The following CHST8 variants were observed in gnomAD, a reference collection of about 807,000 sequenced individuals.
CHST8 encodes GALNAC-4-ST1.
Under a neutral mutation model 15.0 loss-of-function variants are expected in CHST8, and 10 were observed. The ratio of observed to expected loss-of-function variants is 0.67; its 90% CI spans 0.41 to 1.13. The LOEUF (loss-of-function observed/expected upper bound fraction) is 1.13, where lower values mean the gene tolerates loss of function less well. CHST8 is among the 50% of genes most tolerant of loss of function. CHST8 has a pLI of 0.00. For synonymous variants in CHST8, 259 were observed against 256.6 expected (o/e 1.01, Z -0.09); for missense variants, 634 against 608.2 (o/e 1.04, Z -0.45).
At chr19:33,757,483 A>G (rs867737207) in intron 3 of CHST8, among the ~76,000 whole-genome samples, 1 of 48,104 alleles carries the variant, frequency 2.1e-5, no homozygotes, top group Non-Finnish European at 4.3e-5. Context: ...AGAAAGAAAG[A>G]AAGAAAGAAA....
At chr19:33,723,259 C>T (rs1973835304) in intron 3 of CHST8, among the ~76,000 whole-genome samples, 2 of 152,178 alleles carry the variant, frequency 1.3e-5, no homozygotes, top group East Asian at 1.9e-4. Flanking sequence ...TGCATGACTG[C>T]GTATGTGCAG....
At chr19:33,707,185 T>C (rs994367032) in intron 3 of CHST8, among the ~76,000 whole-genome samples, 6 of 152,164 alleles carry the variant, frequency 3.9e-5, no homozygotes, top group African/African-American at 1.4e-4. Context: ...CCCCAGTAGC[T>C]GGGACCACAG....
At chr19:33,673,208 G>A (rs933884724) in intron 2 of CHST8, among the ~76,000 whole-genome samples, 9 of 152,312 alleles carry the variant, frequency 5.9e-5, no homozygotes, top group Non-Finnish European at 1.3e-4. Context: ...CCCAGATATC[G>A]ATCAGTGCCT....
intron 1 of CHST8, among the ~76,000 whole-genome samples, chr19:33,635,412 G>A (rs573778212): frequency 1.3e-5 from 2 of 152,260 alleles, no homozygotes; most frequent in East Asian, 3.9e-4. Context: ...GAGGGAGGCA[G>A]TTTCGTATAC....
intron 3 of CHST8, among the ~76,000 whole-genome samples, chr19:33,737,472 C>T (rs1974109374): frequency 1.3e-5 from 2 of 152,128 alleles, no homozygotes; most frequent in South Asian, 4.1e-4. Flanking sequence ...TTCACTGTGG[C>T]CATAATTAGA....
intron 1 of CHST8, among the ~76,000 whole-genome samples, chr19:33,630,792 C>T (rs1237262567): frequency 1.3e-5 from 2 of 152,240 alleles, no homozygotes; most frequent in Non-Finnish European, 1.5e-5. Flanking sequence ...GTGGGGCAGG[C>T]AGTCTGTCTA....
At position 33,625,087 on chromosome 19, in the gene CHST8, T is replaced by C. The variant is rs746370079; in HGVS notation, c.-164+2791T>C. Among the ~76,000 whole-genome samples the C allele has an allele frequency of 6.6e-4, 98 of 149,078 alleles. 1 individual carries two copies. Among genetic ancestry groups the C allele is most frequent in the Non-Finnish European group, 9.5e-4 (64 of 67,682 alleles). ...CAGGATTATGGCAGCTTTCTTTCTT[T>C]CTTTTTTTTTTTTTTGAGATAAAGT... On this transcript the variant is annotated intron_variant, in intron 1 of 4. Coordinates refer to ENST00000650847, the MANE Select transcript of CHST8 (RefSeq NM_001127895.2).
At chr19:33,708,844 A>G (rs974994250) in intron 3 of CHST8, among the ~76,000 whole-genome samples, 1 of 152,226 alleles carries the variant, frequency 6.6e-6, no homozygotes, top group Non-Finnish European at 1.5e-5. Context: ...ACAATATTGA[A>G]TCTTACAATC....
chr19:33,763,726 T>C (rs1037271782), intron 3 of CHST8, among the ~76,000 whole-genome samples: 2 of 152,210 alleles, frequency 1.3e-5, no homozygotes, highest in African/African-American at 4.8e-5. Flanking sequence ...TGTTGAAACT[T>C]CAGTTTTGCA....
chr19:33,750,286 C>T (rs1974388438), intron 3 of CHST8, among the ~76,000 whole-genome samples: 1 of 152,164 alleles, frequency 6.6e-6, no homozygotes, highest in South Asian at 2.1e-4. Flanking sequence ...TTCAACTGCT[C>T]CAGCCTCTCC....
At chr19:33,750,040 G>A (rs1011996970) in intron 3 of CHST8, among the ~76,000 whole-genome samples, 6 of 152,204 alleles carry the variant, frequency 3.9e-5, no homozygotes, top group Admixed American at 1.3e-4. Flanking sequence ...CTGGGAGACC[G>A]AAACGCCCTG....
In CHST8 at chr19:33,772,518, A is replaced by C. The variant is rs1439603739; in HGVS notation, c.730A>C (p.Ile244Leu). ...KRLDTFDRQG[I>L]LHRLSTYTKM... ...CCTGGACACCTTCGACCGCCAGGGT[A>C]TCTTGCACCGTCTCAGCACCTACAC... The change falls in exon 5 of 5, where the codon ATC becomes CTC. Residue 244 changes from isoleucine (I) to leucine (L), a missense_variant. Coordinates refer to ENST00000650847, the MANE Select transcript of CHST8 (RefSeq NM_001127895.2). 18 of 1,613,848 alleles carry C rather than the reference A, an allele frequency of 1.1e-5. No individual in the cohort carries two copies. In the East Asian group the frequency reaches 4.0e-4, roughly 36 times the overall value.
intron 3 of CHST8, among the ~76,000 whole-genome samples, chr19:33,757,575 A>G (rs1352915014): frequency 1.4e-5 from 2 of 145,054 alleles, no homozygotes; most frequent in African/African-American, 2.6e-5. Flanking sequence ...AAAGAAAGAA[A>G]GAAAGAAAGA....
intron 3 of CHST8, among the ~76,000 whole-genome samples, chr19:33,727,137 G>A (rs1289792320): frequency 2.0e-5 from 3 of 151,850 alleles, no homozygotes; most frequent in Non-Finnish European, 4.4e-5. Flanking sequence ...CCCCAGGTGC[G>A]TCCTATGGTG....
At chr19:33,750,118 C>A (rs1402341694) in intron 3 of CHST8, among the ~76,000 whole-genome samples, 1 of 152,154 alleles carries the variant, frequency 6.6e-6, no homozygotes, top group Non-Finnish European at 1.5e-5. Context: ...GGGGGTGCAA[C>A]AAGGTGGTCT....
intron 1 of CHST8, among the ~76,000 whole-genome samples, chr19:33,660,113 C>T (rs888482109): frequency 2.0e-5 from 3 of 152,200 alleles, no homozygotes; most frequent in African/African-American, 7.2e-5. Flanking sequence ...CAGCCTTCCT[C>T]TGTGGATACG....
chr19:33,710,015 C>T (rs1973518058), intron 3 of CHST8, among the ~76,000 whole-genome samples: 1 of 152,170 alleles, frequency 6.6e-6, no homozygotes, highest in African/African-American at 2.4e-5. Context: ...ATGTCTTCAC[C>T]ATAGTTCTAT....
At chr19:33,677,489 G>A (rs533408233) in intron 2 of CHST8, among the ~76,000 whole-genome samples, 4 of 152,098 alleles carry the variant, frequency 2.6e-5, no homozygotes, top group South Asian at 2.1e-4. Flanking sequence ...TGGTGAGACC[G>A]GCCGTGGAGG....
chr19:33,725,986 C>T (rs567382748), intron 3 of CHST8, among the ~76,000 whole-genome samples: 12 of 152,342 alleles, frequency 7.9e-5, no homozygotes, highest in Non-Finnish European at 1.3e-4. Flanking sequence ...CAGAGAGAAG[C>T]TTTCAGGGTG....
Sources: gnomAD v4.1 joint callset for allele counts (sites outside exome capture counted in the v4.1 genomes callset) on GRCh38, gnomAD v4.1.1 for gene constraint, MANE v1.5 for transcripts, NCBI Gene and HGNC (gene_info 2026-07-23, HGNC 2026-07-21) for gene names.